The following PKP4 variants were observed in gnomAD, a reference collection of about 807,000 sequenced individuals.
The protein encoded by PKP4 is plakophilin 4.
A neutral mutation model predicts 145.1 loss-of-function variants in PKP4; 90 were observed. The ratio of observed to expected loss-of-function variants is 0.62; its 90% CI spans 0.52 to 0.74. The LOEUF (loss-of-function observed/expected upper bound fraction) is 0.74, where lower values mean the gene tolerates loss of function less well. PKP4 is among the 30% of genes least tolerant of loss of function. PKP4 has a pLI of 0.00. For missense variants in PKP4, 1,340 were observed against 1,482.7 expected (o/e 0.90, Z 1.58); for synonymous variants, 563 against 577.2 (o/e 0.98, Z 0.35).
At chr2:158,604,953 T>C (rs1331936390) in intron 4 of PKP4, among the ~76,000 whole-genome samples, 1 of 152,184 alleles carries the variant, frequency 6.6e-6, no homozygotes, top group Non-Finnish European at 1.5e-5. Context: ...AGAAAGCTGC[T>C]GCTTCTTATT....
At chr2:158,521,181 A>G (rs1169558967) in intron 1 of PKP4, among the ~76,000 whole-genome samples, 1 of 152,176 alleles carries the variant, frequency 6.6e-6, no homozygotes, top group East Asian at 1.9e-4. Flanking sequence ...AGTGGTTCCC[A>G]TTTACACTGT....
At chr2:158,475,241 TA>T (rs1692270813) in intron 1 of PKP4, among the ~76,000 whole-genome samples, 1 of 152,236 alleles carries the variant, frequency 6.6e-6, no homozygotes, top group Non-Finnish European at 1.5e-5. Context: ...TGCCACTTTT[TA>T]AATCTTTTTA....
At chr2:158,613,872 A>G (rs1237612243) in intron 4 of PKP4, among the ~76,000 whole-genome samples, 1 of 152,188 alleles carries the variant, frequency 6.6e-6, no homozygotes, top group Non-Finnish European at 1.5e-5. Flanking sequence ...GACATGAGAA[A>G]ACCATCAGAT....
chr2:158,457,504 C>G (rs1420324107), intron 1 of PKP4: 1 of 152,402 alleles, frequency 6.6e-6, no homozygotes, highest in Admixed American at 6.5e-5. Flanking sequence ...GCGCAGCGCA[C>G]GACCTCTGCC....
chr2:158,604,391 A>G (rs538063643), intron 4 of PKP4, among the ~76,000 whole-genome samples: 1 of 152,346 alleles, frequency 6.6e-6, no homozygotes, highest in South Asian at 2.1e-4. Flanking sequence ...CTCCGTGATC[A>G]TGGGGAGACA....
rs1188884691 is a variant in PKP4 at position 158,456,973 on chromosome 2, G to A, written c.-251G>A. ...GGGCAGTAGAGGGGGCTCCGGGGCTGAGTCCGCGTCGACGCCGGCCGCGGA... is the reference window on the plus strand; with the variant it reads ...GGGCAGTAGAGGGGGCTCCGGGGCTAAGTCCGCGTCGACGCCGGCCGCGGA... On this transcript the variant is annotated 5_prime_UTR_variant, in exon 1 of 22. Coordinates refer to ENST00000389759, the MANE Select transcript of PKP4 (RefSeq NM_003628.6). The A allele has an allele frequency of 1.3e-5, 2 of 152,064 alleles. No homozygotes were observed. Among genetic ancestry groups the A allele is most frequent in the East Asian group, 2.0e-4 (1 of 5,026 alleles). 9.4% of individuals were successfully genotyped at this position (152,064 alleles called of 1,614,324 possible).
At chr2:158,512,553 C>T (rs563610734) in intron 1 of PKP4, among the ~76,000 whole-genome samples, 5 of 152,278 alleles carry the variant, frequency 3.3e-5, no homozygotes, top group African/African-American at 1.2e-4. Flanking sequence ...AACAGCTGTC[C>T]CACTGTACAC....
intron 2 of PKP4, among the ~76,000 whole-genome samples, chr2:158,576,519 A>C (rs1384083542): frequency 6.6e-6 from 1 of 152,234 alleles, no homozygotes; most frequent in Non-Finnish European, 1.5e-5. Context: ...CCATCAAGCT[A>C]ACAATGAGAG....
Position 158,634,149 on chromosome 2 carries a change from A to G in PKP4, c.1422A>G (p.Thr474=). 6.2e-7 allele frequency: 1 copy of G among 1,614,126 alleles called. No individual in the cohort carries two copies. The highest frequency in any genetic ancestry group is 1.1e-5 in the South Asian group (1 of 91,082). ...AAAGAAATAATTATGCTCTGAACAC[A>G]ACAGCTACCTACGCGGAGCCCTACA... ...TYQRNNYALN[T]TATYAEPYRP... is the part of the protein sequence containing the mutation. The change falls in exon 9 of 22, where the codon ACA becomes ACG. Residue 474 remains threonine (T), a synonymous_variant. Transcript: ENST00000389759.
chr2:158,633,867 A>G (rs1301895649), intron 8 of PKP4, among the ~76,000 whole-genome samples: 2 of 152,216 alleles, frequency 1.3e-5, no homozygotes, highest in Non-Finnish European at 2.9e-5. Flanking sequence ...GTTTCTTGCT[A>G]AAAAATTAAC....
intron 2 of PKP4, among the ~76,000 whole-genome samples, chr2:158,543,083 G>T (rs2044666692): frequency 6.6e-6 from 1 of 152,048 alleles, no homozygotes; most frequent in African/African-American, 2.4e-5. Flanking sequence ...ATTTCTTTGT[G>T]CCATGAGTTT....
intron 1 of PKP4, among the ~76,000 whole-genome samples, chr2:158,468,704 T>TC (rs1691047102): frequency 1.3e-5 from 2 of 151,948 alleles, no homozygotes; most frequent in African/African-American, 4.8e-5. Context: ...TACCTGATAC[T>TC]TTAAAAGGTG....
rs777878689 is a variant in PKP4 at position 158,624,961 on chromosome 2, C to G, written c.687C>G (p.Gly229=). 1 of 1,614,018 alleles carries G rather than the reference C, an allele frequency of 6.2e-7. No individual in the cohort carries two copies. Among genetic ancestry groups the G allele is most frequent in the Non-Finnish European group, 8.5e-7 (1 of 1,179,920 alleles). The change falls in exon 7 of 22, where the codon GGC becomes GGG. Residue 229 remains glycine, a synonymous_variant. Transcript: ENST00000389759. ...AQSPSYVIST[G]VSPSRGSLRT... ...CTCCTTCTTATGTTATCAGCACAGG[C>G]GTGTCTCCTTCAAGGGGGTCTCTGA...
At position 158,496,281 on chromosome 2, in the gene PKP4, C is replaced by A. The variant is rs991089216; in HGVS notation, c.-5-36899C>A. 3.9e-5 allele frequency among the ~76,000 whole-genome samples: 6 copies of A among 152,066 alleles called. 1 individual carries two copies. The Middle Eastern group carries it at 0.01, about 259-fold the overall frequency. ...CAGGCTTGAGCCACTGCGCCTGGCC[C>A]AAAAATATTTTAAATAGAAATTTAA... On this transcript the variant is annotated intron_variant, in intron 1 of 21. Transcript: ENST00000389759.
Position 158,590,427 on chromosome 2 carries a change from A to G in PKP4, c.246-12643A>G, listed in dbSNP as rs3771629. Among the ~76,000 whole-genome samples the G allele has an allele frequency of 1.6e-3, 241 of 146,150 alleles. 7 individuals carry two copies. In the East Asian group the frequency reaches 0.028, roughly 17 times the overall value. On this transcript the variant is annotated intron_variant, in intron 3 of 21. Transcript: ENST00000389759. ...TAATAGCCAGTTATTTTAGGATCCT[A>G]TGATGTGTAGTCTTTGCTTCAGTCC...
chr2:158,626,541 A>G (rs560549663), intron 7 of PKP4, among the ~76,000 whole-genome samples: 174 of 152,356 alleles, frequency 1.1e-3, no homozygotes, highest in African/African-American at 4.0e-3. Context: ...TTGCTGCATC[A>G]AAATATATGT....
chr2:158,538,521 G>A (rs1044004423), intron 2 of PKP4, among the ~76,000 whole-genome samples: 8 of 149,536 alleles, frequency 5.3e-5, no homozygotes, highest in African/African-American at 2.0e-4. Flanking sequence ...ATACTTTTCA[G>A]GCTCTCTAAC....
At chr2:158,549,878 CAAAA>C (rs2045439656) in intron 2 of PKP4, among the ~76,000 whole-genome samples, 1 of 151,996 alleles carries the variant, frequency 6.6e-6, no homozygotes, top group Non-Finnish European at 1.5e-5. Context: ...TTTACAGAAA[CAAAA>C]CATTTAGGTT....
intron 4 of PKP4, among the ~76,000 whole-genome samples, chr2:158,618,689 C>T (rs1332604679): frequency 6.6e-6 from 1 of 151,818 alleles, no homozygotes; most frequent in African/African-American, 2.4e-5. Context: ...AGTGAAAAGA[C>T]ACAATTTCTG....
Sources: gnomAD v4.1 joint callset for allele counts (sites outside exome capture counted in the v4.1 genomes callset) on GRCh38, gnomAD v4.1.1 for gene constraint, MANE v1.5 for transcripts, NCBI Gene and HGNC (gene_info 2026-07-23, HGNC 2026-07-21) for gene names.